ADAMTSL3: variants seen among roughly 807,000 people sequenced by gnomAD.
ADAMTSL3 encodes the protein ADAMTS like 3, also known as ADAMTS-like protein 3.
ADAMTSL3 carries 128 observed loss-of-function variants against 201.7 expected under a neutral mutation model. The ratio of observed to expected loss-of-function variants is 0.63; its 90% confidence interval spans 0.55 to 0.73. The LOEUF is 0.73. Ranked by LOEUF, ADAMTSL3 falls within the 30% of genes least tolerant of loss-of-function variation. The pLI, the probability that ADAMTSL3 is intolerant of heterozygous loss-of-function variation, is 0.00. For missense variants in ADAMTSL3, 1,990 were observed against 2,119.6 expected, an observed-to-expected ratio of 0.94 and a Z score of 1.20; for synonymous variants, 738 against 748.4, an observed-to-expected ratio of 0.99 and a Z score of 0.23.
chr15:83,694,655 C>T (rs2061656340), intron 2 of ADAMTSL3, among the ~76,000 whole-genome samples: 1 of 152,012 alleles, frequency 6.6e-6, no homozygotes, highest in African/African-American at 2.4e-5. Flanking sequence ...CTTTCCGCTC[C>T]CCATTCGGAG....
chr15:83,821,523 G>A, intron 6 of ADAMTSL3, among the ~76,000 whole-genome samples: 1 of 151,290 alleles, frequency 6.6e-6, no homozygotes, highest in Non-Finnish European at 1.5e-5. Context: ...ACCCTGAGTG[G>A]ACACAGCACA....
chr15:83,899,782 G>A (rs182878232), intron 15 of ADAMTSL3, 51 bp downstream of exon 15: 2 of 1,575,172 alleles, frequency 1.3e-6, no homozygotes, highest in East Asian at 2.4e-5. Flanking sequence ...CAGTTAACAT[G>A]ATATATGTAA....
intron 6 of ADAMTSL3, among the ~76,000 whole-genome samples, chr15:83,829,750 G>A (rs2064113629): frequency 6.6e-6 from 1 of 152,210 alleles, no homozygotes; most frequent in Non-Finnish European, 1.5e-5. Context: ...AGGTTTCAAA[G>A]AACATCTTTA....
At chr15:83,782,288 C>A (rs2063183219) in intron 4 of ADAMTSL3, among the ~76,000 whole-genome samples, 1 of 152,016 alleles carries the variant, frequency 6.6e-6, no homozygotes, top group Admixed American at 6.6e-5. Context: ...ACCAGCCCGG[C>A]AAACATGGTG....
chr15:83,896,914 C>T lies in ADAMTSL3; in HGVS notation c.1468-944C>T, dbSNP rs994047247. 5.3e-5 allele frequency among the ~76,000 whole-genome samples: 8 copies of T among 152,142 alleles called. No individual in the cohort carries two copies. The East Asian group carries it at 7.7e-4, about 15-fold the overall frequency. On this transcript the variant is annotated intron_variant, in intron 13 of 29. Transcript: ENST00000286744. ...AGCAAGTACCTTCTTCACAAGGCAG[C>T]GGGAGACGGAGAGAGAGCATGAAAG...
At chr15:83,884,341 T>TCC (rs2065345429) in intron 9 of ADAMTSL3, among the ~76,000 whole-genome samples, 3 of 141,048 alleles carry the variant, frequency 2.1e-5, no homozygotes, top group African/African-American at 7.8e-5. Context: ...CTATTTCCTT[T>TCC]TTTTTTTTTT....
intron 17 of ADAMTSL3, among the ~76,000 whole-genome samples, chr15:83,930,242 T>G (rs2066332432): frequency 6.6e-6 from 1 of 152,144 alleles, no homozygotes; most frequent in Admixed American, 6.5e-5. Context: ...CATTTTTGAG[T>G]AGTGCTTTCA....
intron 9 of ADAMTSL3, among the ~76,000 whole-genome samples, chr15:83,880,826 A>G (rs2065255210): frequency 6.6e-6 from 1 of 152,208 alleles, no homozygotes; most frequent in African/African-American, 2.4e-5. Flanking sequence ...GGGTTGCAGG[A>G]GGTGGTAATG....
intron 8 of ADAMTSL3, among the ~76,000 whole-genome samples, chr15:83,864,379 A>C (rs1439133791): frequency 6.6e-6 from 1 of 152,206 alleles, no homozygotes. Flanking sequence ...ATTCTGGCAA[A>C]CCAAATCCAG....
chr15:83,816,497 G>A (rs975373799), intron 5 of ADAMTSL3, among the ~76,000 whole-genome samples: 4 of 152,216 alleles, frequency 2.6e-5, no homozygotes, highest in African/African-American at 9.6e-5. Context: ...GAGTTAGCTA[G>A]CCGGCACATT....
At chr15:83,725,749 A>G (rs1332826986) in intron 3 of ADAMTSL3, among the ~76,000 whole-genome samples, 1 of 152,108 alleles carries the variant, frequency 6.6e-6, no homozygotes, top group East Asian at 1.9e-4. Flanking sequence ...CCTTTGGTCT[A>G]TATGTCTGTT....
chr15:83,772,339 C>T (rs931564698), intron 3 of ADAMTSL3, among the ~76,000 whole-genome samples: 1 of 152,100 alleles, frequency 6.6e-6, no homozygotes, highest in Non-Finnish European at 1.5e-5. Flanking sequence ...TTCATTTATT[C>T]AAGTATATTT....
chr15:83,724,155 G>A (rs10152300), intron 3 of ADAMTSL3, among the ~76,000 whole-genome samples: 127,106 of 151,774 alleles, frequency 0.84, 53,736 homozygotes, highest in East Asian at 0.96. Flanking sequence ...CTGGAGTGCA[G>A]TGATGCAATC....
chr15:83,770,929 T>G (rs1033184128), intron 3 of ADAMTSL3, among the ~76,000 whole-genome samples: 2 of 152,102 alleles, frequency 1.3e-5, no homozygotes, highest in African/African-American at 4.8e-5. Flanking sequence ...TAGCCGGGTG[T>G]GGTGGCAGGC....
At chr15:84,026,408 A>T (rs1412369995) in intron 27 of ADAMTSL3, among the ~76,000 whole-genome samples, 4 of 152,226 alleles carry the variant, frequency 2.6e-5, no homozygotes, top group African/African-American at 9.6e-5. Context: ...TGTGATCGCT[A>T]TCAAAATTTT....
chr15:83,831,989 A>G (rs1251876458), intron 6 of ADAMTSL3, among the ~76,000 whole-genome samples: 1 of 152,290 alleles, frequency 6.6e-6, no homozygotes, highest in East Asian at 1.9e-4. Flanking sequence ...GGGCTCTTCA[A>G]AGGAGTTGAT....
At chr15:83,805,937 C>T (rs984040762) in intron 5 of ADAMTSL3, among the ~76,000 whole-genome samples, 11 of 152,284 alleles carry the variant, frequency 7.2e-5, no homozygotes, top group East Asian at 1.9e-4. Flanking sequence ...CAGGAGAACG[C>T]GGCAGTCCTC....
chr15:83,765,695 A>G (rs1032075754), intron 3 of ADAMTSL3, among the ~76,000 whole-genome samples: 2 of 152,180 alleles, frequency 1.3e-5, no homozygotes, highest in Non-Finnish European at 2.9e-5. Context: ...TGAGTAAACA[A>G]TATCTTTTTT....
At chr15:83,668,126 T>C (rs932296273) in intron 2 of ADAMTSL3, among the ~76,000 whole-genome samples, 3 of 151,940 alleles carry the variant, frequency 2.0e-5, no homozygotes, top group Non-Finnish European at 2.9e-5. Flanking sequence ...AATAAGCAAT[T>C]GGGAACATGC....
Sources: allele counts gnomAD v4.1 joint callset (sites outside exome capture counted in the v4.1 genomes callset), GRCh38; gene constraint gnomAD v4.1.1; transcripts MANE v1.5; gene names NCBI Gene and HGNC (gene_info 2026-07-23, HGNC 2026-07-21).